MACF1: variants seen among roughly 807,000 people sequenced by gnomAD.
MACF1 encodes the protein microtubule actin crosslinking factor 1.
MACF1 carries 193 observed loss-of-function variants against 854.8 expected under a neutral mutation model. The observed-to-expected ratio is 0.23, with a 90% CI of 0.20 to 0.25. MACF1 has a LOEUF of 0.25. Among genes scored for constraint, MACF1 ranks in the 10% least tolerant of loss-of-function variants. The pLI, the probability that MACF1 is intolerant of heterozygous loss-of-function variation, is 1.00. For missense variants in MACF1, 7,722 were observed against 8,929.1 expected (o/e 0.86, Z 5.45); for synonymous variants, 3,185 against 3,226.7 (o/e 0.99, Z 0.44).
At position 39,335,689 on chromosome 1, in the gene MACF1, G is replaced by T; in HGVS notation, c.9101G>T (p.Gly3034Val). The part of the protein sequence containing the change: ...EKGKEADTEM[G>V]FSITFKIEES... ...GGGAAAGAAGCTGATACAGAAATGG[G>T]ATTTTCTATTACTTTTAAAATTGAA... Residue 3034 changes from glycine (G) to valine (V), a missense_variant, in exon 37 of 101, where the codon GGA becomes GTA. Physicochemically the swap from Gly to Val is moderately radical, Grantham distance 109. This residue lies in a region of MACF1 where 854 missense variants were observed against 852.6 expected (regional missense o/e 1.00). Transcript: ENST00000564288. 6.2e-7 allele frequency: 1 copy of T among 1,613,434 alleles called. No individual in the cohort carries two copies. The highest frequency in any genetic ancestry group is 8.5e-7 in the Non-Finnish European group (1 of 1,179,876).
Position 39,370,166 on chromosome 1 carries a change from AAGC to A in MACF1, c.13078_13080del (p.Gln4360del). 1.2e-6 allele frequency: 2 copies of A among 1,612,910 alleles called. No homozygotes were observed. Among genetic ancestry groups the A allele is most frequent in the Non-Finnish European group, 1.7e-6 (2 of 1,179,572 alleles). ...TTCTATGAGTGCTAAAGAGTTAGAA[AAGC>A]AGATTGAACACCTGAAGGTAGGTGA... On this transcript the variant is annotated inframe_deletion, in exon 51 of 101. Coordinates refer to ENST00000564288, the MANE Select transcript of MACF1 (RefSeq NM_001394062.1).
At chr1:39,339,069 A>C (rs1021065279) in intron 38 of MACF1, among the ~76,000 whole-genome samples, 1 of 152,160 alleles carries the variant, frequency 6.6e-6, no homozygotes, top group African/African-American at 2.4e-5. Flanking sequence ...GCTTGAGCCC[A>C]GGAGTTTGAG....
At chr1:39,432,116 G>T (rs778916396) in intron 66 of MACF1, among the ~76,000 whole-genome samples, 1 of 152,122 alleles carries the variant, frequency 6.6e-6, no homozygotes, top group Non-Finnish European at 1.5e-5. Context: ...TCAGCTAAGC[G>T]GGCACTTCCG....
chr1:39,322,756 T>A (rs1646537420), intron 32 of MACF1, 41 bp downstream of exon 32: 2 of 1,593,772 alleles, frequency 1.3e-6, no homozygotes, highest in Non-Finnish European at 1.7e-6. Context: ...TGTCTTCCCT[T>A]AAGGAAAGAT....
At position 39,485,496 on chromosome 1, in the gene MACF1, T is replaced by C. The variant is rs371568233; in HGVS notation, c.22412-42T>C. On this transcript the variant is annotated intron_variant, in intron 100 of 100. Coordinates refer to ENST00000564288, the MANE Select transcript of MACF1 (RefSeq NM_001394062.1). ...TCTGCTCACTTGTTCTTCCACCCCA[T>C]GCCATCTCTATTAAGTCTGCTGTTT... The C allele has an allele frequency of 3.9e-6, 6 of 1,542,218 alleles. No homozygotes were observed. In the African/African-American group the frequency reaches 8.2e-5, roughly 21 times the overall value.
At chr1:39,291,008 G>A (rs996708832) in intron 15 of MACF1, among the ~76,000 whole-genome samples, 23 of 150,700 alleles carry the variant, frequency 1.5e-4, no homozygotes, top group African/African-American at 4.4e-4. Context: ...GTCTCACTCC[G>A]TCACCCAGGC....
At chr1:39,453,308 T>C (rs1419750698) in intron 87 of MACF1, among the ~76,000 whole-genome samples, 1 of 152,248 alleles carries the variant, frequency 6.6e-6, no homozygotes, top group Non-Finnish European at 1.5e-5. Flanking sequence ...TATTCTGTTA[T>C]GGGTATTTTT....
In MACF1 at chr1:39,427,566, T is replaced by C; in HGVS notation, c.16428T>C (p.Pro5476=). 1 of 1,614,144 alleles carries C rather than the reference T, an allele frequency of 6.2e-7. No homozygotes were observed. The highest frequency in any genetic ancestry group is 8.5e-7 in the Non-Finnish European group (1 of 1,179,986). ...AGAAAAAGCTTGCTAACTCAGAACC[T>C]GTTGGCACTCAGACTGCCAAAATAC... is the stretch of plus-strand genomic sequence containing the variant. ...VTEKKLANSE[P]VGTQTAKIQQ... is the part of the protein sequence containing the mutation. The change falls in exon 62 of 101, where the codon CCT becomes CCC. Residue 5476 remains proline, a synonymous_variant. Transcript: ENST00000564288.
At chr1:39,299,335 CTT>C in intron 21 of MACF1, 1 of 455,256 alleles carries the variant, frequency 2.2e-6, no homozygotes, top group Middle Eastern at 3.3e-4. Flanking sequence ...ATTATTAACT[CTT>C]TACTCTCATC....
chr1:39,454,855 A>G (rs1429161469), intron 88 of MACF1, 54 bp from the exon 89 acceptor site: 7 of 1,478,640 alleles, frequency 4.7e-6, no homozygotes, highest in Non-Finnish European at 6.4e-6. Context: ...GGCTTTGGAA[A>G]CAAAGGGGGT....
At position 39,372,589 on chromosome 1, in the gene MACF1, C is replaced by T. The variant is rs1649342547; in HGVS notation, c.13206C>T (p.Gly4402=). 6 of 1,605,626 alleles carry T rather than the reference C, an allele frequency of 3.7e-6. No homozygotes were observed. Among genetic ancestry groups the T allele is most frequent in the Non-Finnish European group, 5.1e-6 (6 of 1,172,454 alleles). Reference sequence around the variant, plus strand: ...AAATCACAGCACCTGATTCCCAAGGCAAGACAGGTGAGTACAGGCTCTTCA... The same window carrying T: ...AAATCACAGCACCTGATTCCCAAGGTAAGACAGGTGAGTACAGGCTCTTCA... ...IMEITAPDSQ[G]KTGSILPSVG... Residue 4402 remains glycine (G), a synonymous_variant, in exon 52 of 101, where the codon GGC becomes GGT. Transcript: ENST00000564288.
At chr1:39,467,270 C>T (rs1170680021) in intron 95 of MACF1, among the ~76,000 whole-genome samples, 2 of 152,104 alleles carry the variant, frequency 1.3e-5, no homozygotes, top group African/African-American at 4.8e-5. Context: ...AAGGCTGAGG[C>T]AGGAGAATGG....
At chr1:39,086,168 T>C (rs997329077) in intron 2 of MACF1, among the ~76,000 whole-genome samples, 4 of 152,210 alleles carry the variant, frequency 2.6e-5, no homozygotes, top group African/African-American at 9.7e-5. Context: ...TCAATTGGTA[T>C]TGAATGACTG....
chr1:39,109,436 A>C (rs1642336406), intron 2 of MACF1, among the ~76,000 whole-genome samples: 1 of 151,698 alleles, frequency 6.6e-6, no homozygotes, highest in Admixed American at 6.6e-5. Context: ...TGCCTGGCTA[A>C]TTTTTTCTAT....
At chr1:39,190,375 G>C (rs1165738200) in intron 2 of MACF1, among the ~76,000 whole-genome samples, 12 of 101,458 alleles carry the variant, frequency 1.2e-4, no homozygotes, top group Non-Finnish European at 2.0e-4. Flanking sequence ...TCTTTTGTGT[G>C]TGTGTGTGTG....
chr1:39,418,629 C>G (rs1401268805), intron 58 of MACF1, among the ~76,000 whole-genome samples: 1 of 152,158 alleles, frequency 6.6e-6, no homozygotes, highest in African/African-American at 2.4e-5. Context: ...TTGGAAGGCT[C>G]AGGCAGGCAG....
chr1:39,422,861 T>C lies in MACF1; in HGVS notation c.16110T>C (p.Ala5370=). The part of the protein sequence containing the change: ...ELIANQKPPS[A]EYKVVKAQIQ... ...TAGCCAATCAGAAACCTCCATCTGC[T>C]GAGTATAAAGTGGTGAAAGCACAGA... Residue 5370 remains alanine, a synonymous_variant, in exon 60 of 101, where the codon GCT becomes GCC. Coordinates refer to ENST00000564288, the MANE Select transcript of MACF1 (RefSeq NM_001394062.1). 6.2e-7 allele frequency: 1 copy of C among 1,614,140 alleles called. No individual in the cohort carries two copies. The highest frequency in any genetic ancestry group is 8.5e-7 in the Non-Finnish European group (1 of 1,180,016).
At chr1:39,344,152 G>A (rs1249436471) in intron 40 of MACF1, among the ~76,000 whole-genome samples, 4 of 151,338 alleles carry the variant, frequency 2.6e-5, no homozygotes, top group African/African-American at 9.7e-5. Flanking sequence ...AGGGCCAGGC[G>A]TGGTGGCTCA....
chr1:39,252,977 G>A (rs542802301), intron 4 of MACF1, among the ~76,000 whole-genome samples: 16 of 152,222 alleles, frequency 1.1e-4, no homozygotes, highest in African/African-American at 2.9e-4. Flanking sequence ...GCAGACACCC[G>A]CAACAGAGCT....
Sources: gnomAD v4.1 joint callset for allele counts (sites outside exome capture counted in the v4.1 genomes callset) on GRCh38, gnomAD v4.1.1 for gene constraint, gnomAD v4.1.1 regional missense constraint, MANE v1.5 for transcripts, NCBI Gene and HGNC (gene_info 2026-07-23, HGNC 2026-07-21) for gene names.